The following FGF12 variants were observed in gnomAD, a reference collection of about 807,000 sequenced individuals.
The protein encoded by FGF12 is fibroblast growth factor 12, also known as fibroblast growth factor 12B.
In FGF12, 14 loss-of-function variants were observed where a neutral mutation model predicts 23.6. The ratio of observed to expected loss-of-function variants is 0.59; its 90% CI spans 0.39 to 0.93. The LOEUF (loss-of-function observed/expected upper bound fraction) is 0.93, where lower values mean the gene tolerates loss of function less well. Among genes scored for constraint, FGF12 ranks in the 40% least tolerant of loss-of-function variants. The pLI, the probability that FGF12 is intolerant of heterozygous loss-of-function variation, is 0.00. For missense variants in FGF12, 175 were observed against 217.8 expected (o/e 0.80, Z 1.24); for synonymous variants, 62 against 77.3 (o/e 0.80, Z 1.04).
At chr3:192,178,833 T>G (rs768641901) in intron 4 of FGF12, among the ~76,000 whole-genome samples, 1 of 152,142 alleles carries the variant, frequency 6.6e-6, no homozygotes, top group Non-Finnish European at 1.5e-5. Context: ...ACCTTCTCTG[T>G]TTGCTGTGCC....
At chr3:192,678,433 T>G (rs1243363812) in intron 2 of FGF12, among the ~76,000 whole-genome samples, 1 of 152,218 alleles carries the variant, frequency 6.6e-6, no homozygotes, top group Non-Finnish European at 1.5e-5. Flanking sequence ...TTGAAGTCAG[T>G]GAGGATCCCC....
intron 2 of FGF12, among the ~76,000 whole-genome samples, chr3:192,428,562 C>T (rs1339498607): frequency 6.6e-6 from 1 of 152,074 alleles, no homozygotes; most frequent in Non-Finnish European, 1.5e-5. Flanking sequence ...TATAAATGAT[C>T]TAAAACTTGA....
chr3:192,488,723 G>A (rs926666276), intron 2 of FGF12, among the ~76,000 whole-genome samples: 3 of 152,002 alleles, frequency 2.0e-5, no homozygotes, highest in African/African-American at 2.4e-5. Context: ...GTCAGGAAAC[G>A]GAATTTATAG....
At chr3:192,237,707 T>C (rs996849557) in intron 4 of FGF12, among the ~76,000 whole-genome samples, 1 of 152,208 alleles carries the variant, frequency 6.6e-6, no homozygotes, top group Non-Finnish European at 1.5e-5. Context: ...TTTCTTAAAA[T>C]GGATGTGTAC....
chr3:192,158,135 C>T (rs776173572), intron 5 of FGF12, among the ~76,000 whole-genome samples: 1 of 151,998 alleles, frequency 6.6e-6, no homozygotes, highest in Non-Finnish European at 1.5e-5. Flanking sequence ...AAACCTTGAC[C>T]CCAAACCTCA....
chr3:192,453,450 TA>T (rs923609306), intron 2 of FGF12, among the ~76,000 whole-genome samples: 25 of 150,888 alleles, frequency 1.7e-4, no homozygotes, highest in South Asian at 8.4e-4. Flanking sequence ...CCCCCCTTTT[TA>T]AAAAAAAAAT....
intron 4 of FGF12, among the ~76,000 whole-genome samples, chr3:192,330,546 T>TA (rs1717059014): frequency 6.6e-6 from 1 of 152,120 alleles, no homozygotes; most frequent in African/African-American, 2.4e-5. Context: ...ACCCTTACCT[T>TA]ACACCACATG....
chr3:192,665,692 C>T (rs34856018), intron 2 of FGF12, among the ~76,000 whole-genome samples: 3,680 of 152,070 alleles, frequency 0.024, 50 homozygotes, highest in Middle Eastern at 0.068. Flanking sequence ...TTGATAGGTA[C>T]AGCAAACAAC....
At chr3:192,224,191 A>G (rs1718612801) in intron 4 of FGF12, among the ~76,000 whole-genome samples, 1 of 152,176 alleles carries the variant, frequency 6.6e-6, no homozygotes, top group South Asian at 2.1e-4. Context: ...GGTGCAGAGC[A>G]CTCACAGCTC....
intron 2 of FGF12, among the ~76,000 whole-genome samples, chr3:192,608,951 G>A (rs1438597920): frequency 2.0e-5 from 3 of 152,060 alleles, no homozygotes; most frequent in Non-Finnish European, 2.9e-5. Context: ...GGCTTAAAGA[G>A]GAGGATACTA....
chr3:192,551,052 T>C (rs1396339934), intron 2 of FGF12, among the ~76,000 whole-genome samples: 1 of 152,200 alleles, frequency 6.6e-6, no homozygotes, highest in Non-Finnish European at 1.5e-5. Context: ...CCAACTAGTA[T>C]TGGACTTATC....
At chr3:192,358,220 G>T (rs528634622) in intron 3 of FGF12, among the ~76,000 whole-genome samples, 117 of 152,032 alleles carry the variant, frequency 7.7e-4, no homozygotes, top group African/African-American at 2.7e-3. Context: ...TGAAAAGTAA[G>T]ATTCCATGAG....
At chr3:192,311,631 C>T (rs192986997) in intron 4 of FGF12, among the ~76,000 whole-genome samples, 1 of 152,204 alleles carries the variant, frequency 6.6e-6, no homozygotes, top group Admixed American at 6.5e-5. Context: ...TTTGTGTAGA[C>T]ATATATTGCA....
chr3:192,524,645 A>T (rs1049026253), intron 2 of FGF12, among the ~76,000 whole-genome samples: 1 of 152,230 alleles, frequency 6.6e-6, no homozygotes, highest in East Asian at 1.9e-4. Flanking sequence ...ACGTATGTAT[A>T]TATCTTTCTG....
At chr3:192,171,872 A>T (rs1241417209) in intron 4 of FGF12, among the ~76,000 whole-genome samples, 4 of 139,128 alleles carry the variant, frequency 2.9e-5, no homozygotes, top group Non-Finnish European at 6.4e-5. Context: ...ATTTGTAGAG[A>T]GTGCTCTCTC....
intron 4 of FGF12, among the ~76,000 whole-genome samples, chr3:192,242,614 A>G (rs1431208020): frequency 2.0e-5 from 3 of 152,186 alleles, no homozygotes; most frequent in African/African-American, 7.2e-5. Flanking sequence ...AAACCTGAAT[A>G]TAAAGCATAA....
intron 4 of FGF12, among the ~76,000 whole-genome samples, chr3:192,245,803 T>G (rs921296886): frequency 6.6e-6 from 1 of 152,162 alleles, no homozygotes; most frequent in Non-Finnish European, 1.5e-5. Context: ...CAGAGAGGGC[T>G]TTACAAAACA....
At chr3:192,208,680 T>G (rs186171136) in intron 4 of FGF12, among the ~76,000 whole-genome samples, 1 of 152,326 alleles carries the variant, frequency 6.6e-6, no homozygotes, top group Non-Finnish European at 1.5e-5. Flanking sequence ...AATTTCAATT[T>G]TAAAACAAAA....
At chr3:192,190,624 C>T (rs996924375) in intron 4 of FGF12, among the ~76,000 whole-genome samples, 6 of 151,548 alleles carry the variant, frequency 4.0e-5, no homozygotes, top group Non-Finnish European at 7.4e-5. Flanking sequence ...TACAGGTGCC[C>T]GCCACCGCGC....
Sources: allele counts gnomAD v4.1 joint callset (sites outside exome capture counted in the v4.1 genomes callset), GRCh38; gene constraint gnomAD v4.1.1; transcripts MANE v1.5; gene names NCBI Gene and HGNC (gene_info 2026-07-23, HGNC 2026-07-21).